MDM4: variants seen among roughly 807,000 people sequenced by gnomAD.
MDM4 encodes MDM4 regulator of p53.
A neutral mutation model predicts 60.2 loss-of-function variants in MDM4; 2 were observed. The observed-to-expected ratio is 0.03, with a 90% CI of 0.01 to 0.10. The LOEUF is 0.10. MDM4 is among the 10% of genes least tolerant of loss of function. The pLI is 1.00. For synonymous variants in MDM4, 202 were observed against 198.1 expected, an observed-to-expected ratio of 1.02 and a Z score of -0.17; for missense variants, 447 against 577.5, an observed-to-expected ratio of 0.77 and a Z score of 2.32.
chr1:204,516,710 A>G (rs1659009791), intron 1 of MDM4, among the ~76,000 whole-genome samples: 1 of 152,114 alleles, frequency 6.6e-6, no homozygotes, highest in African/African-American at 2.4e-5. Context: ...CGCGGAAGAT[A>G]AAAGTGGAGG....
chr1:204,517,723 A>C (rs1178736124), intron 1 of MDM4, among the ~76,000 whole-genome samples: 2 of 152,160 alleles, frequency 1.3e-5, no homozygotes, highest in Middle Eastern at 6.3e-3. Flanking sequence ...TTTAAAAGCA[A>C]CACCCGGAGA....
chr1:204,535,118 A>G (rs1661262439), intron 5 of MDM4, among the ~76,000 whole-genome samples: 1 of 146,112 alleles, frequency 6.8e-6, no homozygotes, highest in African/African-American at 2.5e-5. Flanking sequence ...TAAACTTTTC[A>G]TTTTGGTCAA....
chr1:204,520,211 G>T (rs947139253), intron 1 of MDM4, among the ~76,000 whole-genome samples: 1 of 150,642 alleles, frequency 6.6e-6, no homozygotes, highest in African/African-American at 2.5e-5. Context: ...CCGGGGGGTG[G>T]AGCCTGCAGT....
intron 6 of MDM4, 100 bp from the exon 7 acceptor site, chr1:204,538,109 C>G: frequency 1.3e-6 from 1 of 772,396 alleles, no homozygotes; most frequent in South Asian, 1.4e-5. Context: ...GTGTGTAACC[C>G]ATTGTGTTGC....
intron 5 of MDM4, among the ~76,000 whole-genome samples, chr1:204,536,728 A>T (rs932392532): frequency 6.6e-6 from 1 of 152,242 alleles, no homozygotes; most frequent in Non-Finnish European, 1.5e-5. Flanking sequence ...TTAATGTAAT[A>T]TCTAAGAATT....
chr1:204,552,387 A>G lies in MDM4; in HGVS notation c.*2705A>G, dbSNP rs1397416092. 6.1e-5 allele frequency: 8 copies of G among 131,190 alleles called. No individual in the cohort carries two copies. Among genetic ancestry groups the G allele is most frequent in the Admixed American group, 2.4e-4 (3 of 12,344 alleles). The allele number at this position is 131,190 out of a possible 1,614,324, so 8.1% of individuals were successfully genotyped here. ...GCCCAGGCTGGAGTGCAATGGCATG[A>G]TCTCTGCTCACCGCAACCTCTGCCT... On this transcript the variant is annotated 3_prime_UTR_variant, in exon 11 of 11. Transcript: ENST00000367182.
Position 204,530,565 on chromosome 1 carries a change from C to T in MDM4, c.154-119C>T, listed in dbSNP as rs1307156390. On this transcript the variant is annotated intron_variant, in intron 3 of 10. Coordinates refer to ENST00000367182, the MANE Select transcript of MDM4 (RefSeq NM_002393.5). ...GTAGGACCCCTTACACAAACTTTGA[C>T]AGTCTTGTAAATATGTTATTTCTTT... 3 of 1,319,916 alleles carry T rather than the reference C, an allele frequency of 2.3e-6. No homozygotes were observed. The African/African-American group carries it at 4.4e-5, about 19-fold the overall frequency. 81.8% of individuals were successfully genotyped at this position (1,319,916 alleles called of 1,614,324 possible).
rs1237179638 is a variant in MDM4, at chr1:204,528,879, T to C, written c.154-1805T>C. On this transcript the variant is annotated intron_variant, in intron 3 of 10. Transcript: ENST00000367182. ...CCGAGCTGTCATGGTGACGACGTCC[T>C]TGAAGCTGAGCCGAATGTTGCCTTG... 1.9e-6 allele frequency: 3 copies of C among 1,591,898 alleles called. No individual in the cohort carries two copies. In the African/African-American group the frequency reaches 4.0e-5, roughly 21 times the overall value.
At position 204,550,875 on chromosome 1, in the gene MDM4, T is replaced by C; in HGVS notation, c.*1193T>C. On this transcript the variant is annotated 3_prime_UTR_variant, in exon 11 of 11. Transcript: ENST00000367182. ...AAAGCCCTGGGACTATAGATTTAGC[T>C]GATTAAATTTATAGAAAAAGTCCTG... 1 of 179,570 alleles carries C rather than the reference T, an allele frequency of 5.6e-6. No homozygotes were observed. The highest frequency in any genetic ancestry group is 1.2e-5 in the Non-Finnish European group (1 of 83,742). The allele number at this position is 179,570 out of a possible 1,614,324, so 11.1% of individuals were successfully genotyped here.
rs1661523808 is a variant in MDM4, at chr1:204,537,325, C to T, written c.344-105C>T. On this transcript the variant is annotated intron_variant, in intron 5 of 10. Transcript: ENST00000367182. ...CCAGCCAACATGGAGAAGTACATTT[C>T]TAGGGACTAAACCTGGCTCCCGGGT... 6 of 771,908 alleles carry T rather than the reference C, an allele frequency of 7.8e-6. No individual in the cohort carries two copies. The South Asian group carries it at 9.4e-5, about 12-fold the overall frequency. The allele number at this position is 771,908 out of a possible 1,614,324, so 47.8% of individuals were successfully genotyped here.
chr1:204,519,563 G>A (rs150439479), intron 1 of MDM4, among the ~76,000 whole-genome samples: 5 of 152,248 alleles, frequency 3.3e-5, no homozygotes, highest in African/African-American at 1.2e-4. Context: ...AAGAACATTG[G>A]CCTGGCATGG....
rs369844328 is a variant in MDM4 at position 204,532,131 on chromosome 1, C to A, written c.288-60C>A. 2.2e-4 allele frequency: 217 copies of A among 991,634 alleles called. No individual in the cohort carries two copies. In the African/African-American group the frequency reaches 3.4e-3, roughly 15 times the overall value. 61.4% of individuals were successfully genotyped at this position (991,634 alleles called of 1,614,324 possible). On this transcript the variant is annotated intron_variant, in intron 4 of 10. Transcript: ENST00000367182. Reference sequence around the variant, plus strand: ...ATACATTTAATATTTAACGGCAAACCACTGATATCTTCATAGTGGCATTTG... The same window carrying A: ...ATACATTTAATATTTAACGGCAAACAACTGATATCTTCATAGTGGCATTTG...
At chr1:204,521,851 C>T (rs1659598054) in intron 1 of MDM4, among the ~76,000 whole-genome samples, 1 of 152,026 alleles carries the variant, frequency 6.6e-6, no homozygotes, top group Admixed American at 6.5e-5. Flanking sequence ...TTATATTTTA[C>T]ATAATAAATA....
At chr1:204,528,922 C>T in intron 3 of MDM4, 1 of 1,593,444 alleles carries the variant, frequency 6.3e-7, no homozygotes, top group South Asian at 1.1e-5. Flanking sequence ...GTGTCCTTCT[C>T]CCGGAAGGCC....
intron 10 of MDM4, among the ~76,000 whole-genome samples, chr1:204,547,559 ATTTTT>A (rs1386981478): frequency 6.6e-6 from 1 of 152,150 alleles, no homozygotes; most frequent in Non-Finnish European, 1.5e-5. Context: ...AAAGAGAAAC[ATTTTT>A]AGGTTGTTTC....
intron 1 of MDM4, among the ~76,000 whole-genome samples, chr1:204,522,538 C>T (rs1659670956): frequency 6.6e-6 from 1 of 151,824 alleles, no homozygotes; most frequent in South Asian, 2.1e-4. Flanking sequence ...GTTGGGACTA[C>T]AGGCGTGTGC....
intron 1 of MDM4, among the ~76,000 whole-genome samples, chr1:204,519,938 CAAAG>C (rs919503677): frequency 9.2e-5 from 14 of 152,082 alleles, no homozygotes; most frequent in East Asian, 1.9e-4. Flanking sequence ...AAATCTAGAA[CAAAG>C]AAAGAGAAAA....
At chr1:204,521,843 A>G (rs1659597340) in intron 1 of MDM4, among the ~76,000 whole-genome samples, 1 of 152,204 alleles carries the variant, frequency 6.6e-6, no homozygotes, top group African/African-American at 2.4e-5. Flanking sequence ...CTTGTAGCTT[A>G]TATTTTACAT....
At chr1:204,529,508 C>T in intron 3 of MDM4, 6 of 1,515,922 alleles carry the variant, frequency 4.0e-6, no homozygotes, top group Non-Finnish European at 5.4e-6. Context: ...GTCCATAGGG[C>T]CCTCTACCAG....
Sources: allele counts gnomAD v4.1 joint callset (sites outside exome capture counted in the v4.1 genomes callset), GRCh38; gene constraint gnomAD v4.1.1; transcripts MANE v1.5; gene names NCBI Gene and HGNC (gene_info 2026-07-23, HGNC 2026-07-21).